Variants in THEMIS observed in about 807,000 individuals in gnomAD.
The protein encoded by THEMIS is thymocyte selection associated, also known as protein THEMIS.
THEMIS carries 37 observed loss-of-function variants against 52.6 expected under a neutral mutation model. The observed-to-expected ratio is 0.70, with a 90% CI of 0.54 to 0.93. The LOEUF is 0.93. Ranked by LOEUF, THEMIS falls within the 40% of genes least tolerant of loss-of-function variation. THEMIS has a pLI of 0.00. For missense variants in THEMIS, 808 were observed against 763.1 expected (o/e 1.06, Z -0.69); for synonymous variants, 292 against 272.7 (o/e 1.07, Z -0.70).
chr6:127,747,036 T>TTATATTATATATAATTATA lies in THEMIS; in HGVS notation c.1759-27214_1759-27213insTATAATTATATATAATATA, dbSNP rs1562231402. On this transcript the variant is annotated intron_variant, in intron 4 of 5. Transcript: ENST00000368248. ...TATATATAATTATATATAGATATAA[T>TTATATTATATATAATTATA]TATAGATATCTATAATTATATTATA... Among the ~76,000 whole-genome samples the TTATATTATATATAATTATA allele has an allele frequency of 2.5e-3, 37 of 14,822 alleles. 2 individuals carry two copies. The highest frequency in any genetic ancestry group is 9.6e-3 in the African/African-American group (36 of 3,736). The allele number at this position is 14,822 out of a possible 152,430, so 9.7% of individuals were successfully genotyped here. A position where few individuals can be genotyped will look rare whatever the true frequency, so the allele number is the denominator to read the frequency against.
chr6:127,737,678 A>G (rs937466100), intron 4 of THEMIS, among the ~76,000 whole-genome samples: 1 of 152,244 alleles, frequency 6.6e-6, no homozygotes, highest in African/African-American at 2.4e-5. Context: ...AATATATCAT[A>G]AACTAATTCA....
At chr6:127,839,921 A>G (rs913644721) in intron 2 of THEMIS, among the ~76,000 whole-genome samples, 2 of 152,004 alleles carry the variant, frequency 1.3e-5, no homozygotes, top group African/African-American at 4.8e-5. Flanking sequence ...TTAAAATTTC[A>G]TGTTTCTAAA....
chr6:127,883,616 G>A (rs1780556130), intron 1 of THEMIS, among the ~76,000 whole-genome samples: 1 of 151,978 alleles, frequency 6.6e-6, no homozygotes, highest in Non-Finnish European at 1.5e-5. Flanking sequence ...ATGATGATGT[G>A]AAAGTAGTAC....
intron 4 of THEMIS, among the ~76,000 whole-genome samples, chr6:127,784,575 A>C (rs1776859038): frequency 6.6e-6 from 1 of 152,226 alleles, no homozygotes; most frequent in South Asian, 2.1e-4. Context: ...ACACGACACA[A>C]AGCAGGCCAA....
intron 4 of THEMIS, among the ~76,000 whole-genome samples, chr6:127,740,774 T>C (rs933179794): frequency 5.9e-5 from 9 of 152,204 alleles, no homozygotes; most frequent in African/African-American, 2.2e-4. Context: ...TCACTAGAAC[T>C]CCGCTATATA....
intron 2 of THEMIS, among the ~76,000 whole-genome samples, chr6:127,833,795 T>G (rs270003): frequency 0.73 from 111,627 of 152,098 alleles, 42,514 homozygotes; most frequent in East Asian, 1. Flanking sequence ...TCTTAAAAAA[T>G]ATACATTTGT....
At chr6:127,765,376 C>G (rs1250029652) in intron 4 of THEMIS, among the ~76,000 whole-genome samples, 7 of 151,988 alleles carry the variant, frequency 4.6e-5, no homozygotes, top group African/African-American at 1.7e-4. Context: ...GAATTTTCAA[C>G]TAGGAAAAAT....
Position 127,883,464 on chromosome 6 carries a change from A to C in THEMIS, c.91+17378T>G, listed in dbSNP as rs114403432. 4.2e-3 allele frequency among the ~76,000 whole-genome samples: 636 copies of C among 151,846 alleles called. 7 individuals are homozygous for C. The highest frequency in any genetic ancestry group is 0.015 in the African/African-American group (608 of 41,464). On this transcript the variant is annotated intron_variant, in intron 1 of 5. Coordinates refer to ENST00000368248, the MANE Select transcript of THEMIS (RefSeq NM_001010923.3). ...TGTATATATATACATATGAACACTA[A>C]ATTTACATGTAGCCAAACATACAAA...
chr6:127,888,311 A>G (rs1467494531), intron 1 of THEMIS, among the ~76,000 whole-genome samples: 4 of 152,128 alleles, frequency 2.6e-5, no homozygotes, highest in Non-Finnish European at 5.9e-5. Flanking sequence ...TCTGACATCC[A>G]TGATTCTAGA....
At chr6:127,823,362 A>G (rs1435938559) in intron 3 of THEMIS, among the ~76,000 whole-genome samples, 1 of 152,166 alleles carries the variant, frequency 6.6e-6, no homozygotes, top group East Asian at 1.9e-4. Flanking sequence ...TGAAGTTCAT[A>G]TTTTCCTTAG....
At position 127,746,845 on chromosome 6, in the gene THEMIS, AT is replaced by A. The variant is rs1256354545; in HGVS notation, c.1759-27023del. On this transcript the variant is annotated intron_variant, in intron 4 of 5. Transcript: ENST00000368248. ...ATATTATTATATAATTATATTATATATAATTATATATTATTATATAATTATA... is the reference window on the plus strand; with the variant it reads ...ATATTATTATATAATTATATTATATAAATTATATATTATTATATAATTATA... 8.2e-4 allele frequency among the ~76,000 whole-genome samples: 40 copies of A among 48,534 alleles called. 2 individuals carry two copies. Among genetic ancestry groups the A allele is most frequent in the Non-Finnish European group, 1.3e-3 (40 of 30,874 alleles). 31.8% of individuals were successfully genotyped at this position (48,534 alleles called of 152,430 possible).
intron 1 of THEMIS, among the ~76,000 whole-genome samples, chr6:127,858,490 T>C (rs1469350770): frequency 6.6e-6 from 1 of 152,106 alleles, no homozygotes; most frequent in Non-Finnish European, 1.5e-5. Context: ...ATAGCAAAGC[T>C]TAAGTCGCTA....
chr6:127,765,570 G>A (rs372667352), intron 4 of THEMIS, among the ~76,000 whole-genome samples: 5 of 152,004 alleles, frequency 3.3e-5, no homozygotes, highest in East Asian at 1.9e-4. Flanking sequence ...TGAACTGATC[G>A]GGTATACAGT....
intron 4 of THEMIS, among the ~76,000 whole-genome samples, chr6:127,783,244 T>A (rs1368658831): frequency 6.6e-6 from 1 of 152,190 alleles, no homozygotes; most frequent in Non-Finnish European, 1.5e-5. Flanking sequence ...TAACTCAACA[T>A]GGATTAAAGA....
At chr6:127,845,042 T>A (rs1342367043) in intron 2 of THEMIS, among the ~76,000 whole-genome samples, 1 of 151,054 alleles carries the variant, frequency 6.6e-6, no homozygotes, top group Non-Finnish European at 1.5e-5. Context: ...AGATCCCCAT[T>A]CAAATTTTAG....
intron 4 of THEMIS, among the ~76,000 whole-genome samples, chr6:127,724,717 A>G (rs1004781019): frequency 1.3e-5 from 2 of 151,966 alleles, no homozygotes; most frequent in South Asian, 2.1e-4. Flanking sequence ...CTTGGCTTGT[A>G]TTTTGCATGT....
intron 4 of THEMIS, among the ~76,000 whole-genome samples, chr6:127,765,158 G>T (rs899700215): frequency 2.6e-5 from 4 of 152,166 alleles, no homozygotes; most frequent in Non-Finnish European, 4.4e-5. Context: ...GACTCTTAAT[G>T]GTTCTAATAA....
chr6:127,736,117 T>C (rs183736626), intron 4 of THEMIS, among the ~76,000 whole-genome samples: 29 of 152,326 alleles, frequency 1.9e-4, no homozygotes, highest in African/African-American at 6.5e-4. Context: ...GGCCCAGTTG[T>C]CTTTTTTACC....
In THEMIS at chr6:127,827,811, A is replaced by G. The variant is rs190721021; in HGVS notation, c.709+1665T>C. Among the ~76,000 whole-genome samples the G allele has an allele frequency of 1.7e-3, 261 of 151,348 alleles. 2 individuals carry two copies. The highest frequency in any genetic ancestry group is 6.1e-3 in the African/African-American group (250 of 41,196). On this transcript the variant is annotated intron_variant, in intron 3 of 5. Transcript: ENST00000368248. ...ACCCTGGCACTCAGCTGGCCTCACT[A>G]CTCTCCTCTGTTCTTCTCTCCCTGC...
Sources: gnomAD v4.1 joint callset for allele counts (sites outside exome capture counted in the v4.1 genomes callset) on GRCh38, gnomAD v4.1.1 for gene constraint, MANE v1.5 for transcripts, NCBI Gene and HGNC (gene_info 2026-07-23, HGNC 2026-07-21) for gene names.